SYT17: variants seen among roughly 807,000 people sequenced by gnomAD.
SYT17 encodes synaptotagmin 17.
In SYT17, 22 loss-of-function variants were observed where a neutral mutation model predicts 46.7. That is an observed-to-expected ratio of 0.47 (90% CI 0.34 to 0.67). The LOEUF is 0.67. Among genes scored for constraint, SYT17 ranks in the 30% least tolerant of loss-of-function variants. The pLI is 0.01. For synonymous variants in SYT17, 251 were observed against 248.4 expected, an observed-to-expected ratio of 1.01 and a Z score of -0.10; for missense variants, 519 against 612.8, an observed-to-expected ratio of 0.85 and a Z score of 1.62.
chr16:19,179,717 C>A (rs1012880053), intron 3 of SYT17, among the ~76,000 whole-genome samples: 5 of 152,198 alleles, frequency 3.3e-5, no homozygotes, highest in African/African-American at 7.2e-5. Context: ...TCAGCCCCAG[C>A]GGTTCTCTCA....
chr16:19,198,443 A>G (rs141758621), intron 5 of SYT17, among the ~76,000 whole-genome samples: 118 of 152,316 alleles, frequency 7.7e-4, no homozygotes, highest in African/African-American at 2.7e-3. Flanking sequence ...ACCTTGGGTA[A>G]TTACTCAATG....
intron 2 of SYT17, chr16:19,173,038 A>T (rs1964163334): frequency 1.7e-6 from 1 of 580,616 alleles, no homozygotes; most frequent in Non-Finnish European, 3.0e-6. Context: ...GAGATTTTTT[A>T]AAAATATTTT....
rs561192510 is a variant in SYT17 at position 19,258,160 on chromosome 16, T to A, written c.1229-8720T>A. Among the ~76,000 whole-genome samples, 3 of 152,254 alleles carry A rather than the reference T, an allele frequency of 2.0e-5. No homozygotes were observed. The South Asian group carries it at 6.2e-4, about 32-fold the overall frequency. On this transcript the variant is annotated intron_variant, in intron 7 of 7. Coordinates refer to ENST00000355377, the MANE Select transcript of SYT17 (RefSeq NM_016524.4). ...CTGACTCCTTCAGGGTACTTAGGTT[T>A]TGACTGGAGCAGTGAGTGATCTCCC...
intron 5 of SYT17, chr16:19,211,132 C>G (rs907585772): frequency 1.1e-5 from 4 of 356,300 alleles, no homozygotes; most frequent in Admixed American, 4.4e-5. Flanking sequence ...TAGCCCACCC[C>G]ACGTGGTTCG....
intron 7 of SYT17, among the ~76,000 whole-genome samples, chr16:19,247,798 G>A (rs916399795): frequency 6.6e-6 from 1 of 152,140 alleles, no homozygotes; most frequent in Non-Finnish European, 1.5e-5. Flanking sequence ...CATAGACAAA[G>A]CAGTTCTAAA....
At chr16:19,227,776 A>T (rs1366194354) in intron 7 of SYT17, among the ~76,000 whole-genome samples, 1 of 152,242 alleles carries the variant, frequency 6.6e-6, no homozygotes, top group Non-Finnish European at 1.5e-5. Context: ...TCATGAATTC[A>T]GCAAGTGTGT....
chr16:19,205,276 C>T (rs555329816), intron 5 of SYT17, among the ~76,000 whole-genome samples: 4 of 152,240 alleles, frequency 2.6e-5, no homozygotes, highest in Admixed American at 6.5e-5. Flanking sequence ...GACTCTGCTT[C>T]GGCCACATCA....
chr16:19,233,433 C>T (rs942375834), intron 7 of SYT17, among the ~76,000 whole-genome samples: 3 of 151,642 alleles, frequency 2.0e-5, no homozygotes, highest in Admixed American at 2.0e-4. Flanking sequence ...AGGAGAATCA[C>T]TTGAGTACAA....
At chr16:19,240,776 C>T (rs1967043730) in intron 7 of SYT17, among the ~76,000 whole-genome samples, 1 of 152,190 alleles carries the variant, frequency 6.6e-6, no homozygotes, top group South Asian at 2.1e-4. Context: ...CCGAGAGGCA[C>T]CTGCAGGCCA....
chr16:19,256,846 G>T (rs1320386386), intron 7 of SYT17, among the ~76,000 whole-genome samples: 1 of 152,060 alleles, frequency 6.6e-6, no homozygotes, highest in Non-Finnish European at 1.5e-5. Context: ...TCGAAGTGCT[G>T]GGATTACAGG....
intron 5 of SYT17, among the ~76,000 whole-genome samples, chr16:19,193,229 T>C (rs56056395): frequency 6.6e-6 from 1 of 152,204 alleles, no homozygotes; most frequent in African/African-American, 2.4e-5. Flanking sequence ...TGATATTTTA[T>C]GGAGCTGTTC....
At chr16:19,209,049 A>G (rs745831782) in intron 5 of SYT17, among the ~76,000 whole-genome samples, 1 of 151,618 alleles carries the variant, frequency 6.6e-6, no homozygotes, top group Non-Finnish European at 1.5e-5. Flanking sequence ...TTGTATTTTT[A>G]GTAGAGATGG....
chr16:19,175,962 T>G (rs1964297576), intron 3 of SYT17, among the ~76,000 whole-genome samples: 1 of 152,226 alleles, frequency 6.6e-6, no homozygotes, highest in African/African-American at 2.4e-5. Flanking sequence ...CAGGGAATTT[T>G]CAGTCTCACG....
Position 19,168,676 on chromosome 16 carries a change from G to A in SYT17, c.15+15G>A. ...CGTACATCCAGGTAGGGCTGAGGCTGGGGGCAAGGTCCGGGGTGCGGGTAG... is the reference window on the plus strand; with the variant it reads ...CGTACATCCAGGTAGGGCTGAGGCTAGGGGCAAGGTCCGGGGTGCGGGTAG... On this transcript the variant is annotated intron_variant, in intron 1 of 7. Coordinates refer to ENST00000355377, the MANE Select transcript of SYT17 (RefSeq NM_016524.4). The surrounding 1 kb of genome is among the most constrained non-coding windows in gnomAD (Gnocchi z 6.9). 1 of 1,511,826 alleles carries A rather than the reference G, an allele frequency of 6.6e-7. No individual in the cohort carries two copies. Among genetic ancestry groups the A allele is most frequent in the Non-Finnish European group, 8.9e-7 (1 of 1,127,626 alleles). 93.7% of individuals were successfully genotyped at this position (1,511,826 alleles called of 1,614,324 possible). A position where few individuals can be genotyped will look rare whatever the true frequency, so the allele number is the denominator to read the frequency against.
intron 7 of SYT17, among the ~76,000 whole-genome samples, chr16:19,229,420 G>A (rs140347969): frequency 6.6e-6 from 1 of 152,030 alleles, no homozygotes; most frequent in African/African-American, 2.4e-5. Context: ...GAGAGTGAAG[G>A]GGGAGGTGCC....
rs138117297 is a variant in SYT17 at position 19,250,486 on chromosome 16, C to G, written c.1229-16394C>G. Among the ~76,000 whole-genome samples the G allele has an allele frequency of 4.0e-5, 6 of 151,890 alleles. No individual in the cohort carries two copies. The East Asian group carries it at 1.2e-3, about 29-fold the overall frequency. ...CTCACTGCAGTCTCGACCTCCCAGA[C>G]TTAAGCAATCCTTCCCAAATAGCTG... is the stretch of plus-strand genomic sequence containing the variant. On this transcript the variant is annotated intron_variant, in intron 7 of 7. Coordinates refer to ENST00000355377, the MANE Select transcript of SYT17 (RefSeq NM_016524.4).
chr16:19,265,767 C>G (rs1318469520), intron 7 of SYT17, among the ~76,000 whole-genome samples: 1 of 152,222 alleles, frequency 6.6e-6, no homozygotes. Context: ...TTAGGCGGAA[C>G]TTGGCCGGGA....
chr16:19,205,323 C>A (rs1965623864), intron 5 of SYT17, among the ~76,000 whole-genome samples: 1 of 152,186 alleles, frequency 6.6e-6, no homozygotes, highest in Admixed American at 6.5e-5. Flanking sequence ...TGGAGTGGCC[C>A]TACCTCAGGG....
At chr16:19,177,295 C>T (rs995552546) in intron 3 of SYT17, among the ~76,000 whole-genome samples, 5 of 152,140 alleles carry the variant, frequency 3.3e-5, no homozygotes, top group African/African-American at 1.2e-4. Context: ...ATGGCACCAC[C>T]TAGGGTTGTG....
Sources: allele counts gnomAD v4.1 joint callset (sites outside exome capture counted in the v4.1 genomes callset), GRCh38; gene constraint gnomAD v4.1.1; non-coding constraint Gnocchi (gnomAD v3.1); transcripts MANE v1.5; gene names NCBI Gene and HGNC (gene_info 2026-07-23, HGNC 2026-07-21).